ATP9A: variants seen among roughly 807,000 people sequenced by gnomAD.
The protein encoded by ATP9A is probable phospholipid-transporting ATPase IIA.
ATP9A carries 52 observed loss-of-function variants against 144.1 expected under a neutral mutation model. That is an observed-to-expected ratio of 0.36 (90% CI 0.29 to 0.45). The LOEUF is 0.45. Among genes scored for constraint, ATP9A ranks in the 20% least tolerant of loss-of-function variants. The probability of loss-of-function intolerance (pLI) is 1.00; values close to 1 mark genes in which losing one functional copy is unlikely to be tolerated. For synonymous variants in ATP9A, 582 were observed against 557.4 expected (o/e 1.04, Z -0.62); for missense variants, 947 against 1,392.7 (o/e 0.68, Z 5.09).
intron 8 of ATP9A, among the ~76,000 whole-genome samples, 192 bp from the exon 9 acceptor site, chr20:51,689,331 T>C (rs1258272189): frequency 6.6e-6 from 1 of 151,990 alleles, no homozygotes; most frequent in African/African-American, 2.4e-5. Flanking sequence ...GGGGTTTTCA[T>C]CTCCCACAGA....
chr20:51,668,717 C>T (rs1376574343), intron 13 of ATP9A, among the ~76,000 whole-genome samples: 11 of 152,146 alleles, frequency 7.2e-5, no homozygotes, highest in African/African-American at 2.2e-4. Context: ...CCAGCCATGA[C>T]GCCTCCCCAT....
At chr20:51,602,577 T>C (rs566324811) in intron 27 of ATP9A, among the ~76,000 whole-genome samples, 14 of 152,360 alleles carry the variant, frequency 9.2e-5, no homozygotes, top group Admixed American at 4.6e-4. Context: ...GATGCTCCTT[T>C]AGTTCCTGGA....
intron 9 of ATP9A, among the ~76,000 whole-genome samples, chr20:51,686,087 AC>A (rs1456056745): frequency 1.3e-5 from 2 of 152,256 alleles, no homozygotes; most frequent in East Asian, 3.9e-4. Flanking sequence ...GAAGCTGGAA[AC>A]CATCATTCTC....
At chr20:51,739,947 T>C (rs767595975) in intron 1 of ATP9A, among the ~76,000 whole-genome samples, 10 of 152,250 alleles carry the variant, frequency 6.6e-5, no homozygotes, top group Non-Finnish European at 1.5e-4. Flanking sequence ...AAGTTCCCGA[T>C]AGCCTTGAGA....
rs112392878 is a variant in ATP9A at position 51,722,856 on chromosome 20, G to A, written c.327+2963C>T. Among the ~76,000 whole-genome samples, 1,099 of 152,284 alleles carry A rather than the reference G, an allele frequency of 7.2e-3. 9 individuals are homozygous for A. Among genetic ancestry groups the A allele is most frequent in the African/African-American group, 0.025 (1,023 of 41,552 alleles). The stretch of plus-strand genomic sequence containing the variant: ...CTACTGGGTTCTACCCTGAGGAAAA[G>A]AAGTCATTATACGAAAAAGATACTT... On this transcript the variant is annotated intron_variant, in intron 3 of 27. Coordinates refer to ENST00000338821, the MANE Select transcript of ATP9A (RefSeq NM_006045.3).
chr20:51,622,323 AGCGCCCTGGCTGAAGG>A, intron 18 of ATP9A, 151 bp from the exon 19 acceptor site: 1 of 637,390 alleles, frequency 1.6e-6, no homozygotes, highest in Non-Finnish European at 2.7e-6. Flanking sequence ...CAACACAGCA[AGCGCCCTGGCTGAAGG>A]GCTCTGGGAC....
At chr20:51,615,480 C>T (rs2077199661) in intron 22 of ATP9A, among the ~76,000 whole-genome samples, 1 of 151,996 alleles carries the variant, frequency 6.6e-6, no homozygotes, top group South Asian at 2.1e-4. Context: ...ATGAAAATTA[C>T]ATATATATAC....
intron 15 of ATP9A, among the ~76,000 whole-genome samples, chr20:51,631,321 T>C (rs1394419976): frequency 6.6e-6 from 1 of 152,242 alleles, no homozygotes; most frequent in South Asian, 2.1e-4. Context: ...TTATCTCTGA[T>C]AGACTGTGGC....
intron 15 of ATP9A, among the ~76,000 whole-genome samples, chr20:51,634,044 A>T (rs2077280900): frequency 6.6e-6 from 1 of 152,146 alleles, no homozygotes; most frequent in Non-Finnish European, 1.5e-5. Context: ...TTAAAACAAA[A>T]ATAGATCTGC....
At chr20:51,744,411 C>T (rs1288807850) in intron 1 of ATP9A, among the ~76,000 whole-genome samples, 2 of 152,160 alleles carry the variant, frequency 1.3e-5, no homozygotes, top group African/African-American at 4.8e-5. Context: ...GGTGATACAC[C>T]TGCCTCAGTC....
intron 19 of ATP9A, among the ~76,000 whole-genome samples, chr20:51,619,589 C>G (rs1159807097): frequency 5.9e-5 from 8 of 135,818 alleles, no homozygotes; most frequent in South Asian, 2.3e-4. Flanking sequence ...GGGGGGGGGG[C>G]CAGGTACGGT....
Position 51,742,397 on chromosome 20 carries a change from G to A in ATP9A, c.69-12419C>T, listed in dbSNP as rs569445683. 4.6e-5 allele frequency among the ~76,000 whole-genome samples: 7 copies of A among 151,370 alleles called. No individual in the cohort carries two copies. The South Asian group carries it at 1.5e-3, about 32-fold the overall frequency. The stretch of plus-strand genomic sequence containing the variant: ...CCAGTATCACTTGCCATAAACAGAA[G>A]ATAAATAACAAAACCAGCACAATGA... On this transcript the variant is annotated intron_variant, in intron 1 of 27. Coordinates refer to ENST00000338821, the MANE Select transcript of ATP9A (RefSeq NM_006045.3).
At chr20:51,652,307 G>T (rs760432823) in intron 14 of ATP9A, among the ~76,000 whole-genome samples, 37 of 152,186 alleles carry the variant, frequency 2.4e-4, no homozygotes, top group Non-Finnish European at 4.7e-4. Context: ...ACACTTCAAG[G>T]TTCCCCAACT....
At chr20:51,632,777 TA>T (rs2077274800) in intron 15 of ATP9A, among the ~76,000 whole-genome samples, 1 of 152,092 alleles carries the variant, frequency 6.6e-6, no homozygotes, top group Non-Finnish European at 1.5e-5. Context: ...CTTATTTCAT[TA>T]AAGACAACCT....
At chr20:51,683,141 G>T (rs541725044) in intron 9 of ATP9A, among the ~76,000 whole-genome samples, 2 of 152,062 alleles carry the variant, frequency 1.3e-5, no homozygotes, top group Non-Finnish European at 2.9e-5. Flanking sequence ...CCAAACTGGA[G>T]TACACTGGTG....
chr20:51,662,800 G>T (rs1478601370), intron 13 of ATP9A, among the ~76,000 whole-genome samples: 4 of 141,434 alleles, frequency 2.8e-5, no homozygotes, highest in Non-Finnish European at 6.6e-5. Flanking sequence ...GCCGGGCACA[G>T]TGGCTCACAC....
intron 1 of ATP9A, among the ~76,000 whole-genome samples, chr20:51,742,539 C>T (rs540252121): frequency 6.6e-6 from 1 of 151,788 alleles, no homozygotes; most frequent in South Asian, 2.1e-4. Flanking sequence ...TTTTTTGAGA[C>T]GCAGTCTTGC....
rs6021420 is a variant in ATP9A, at chr20:51,757,402, T to C, written c.68+10900A>G. 6.6e-3 allele frequency among the ~76,000 whole-genome samples: 1,002 copies of C among 152,220 alleles called. 12 individuals are homozygous for C. The highest frequency in any genetic ancestry group is 0.023 in the African/African-American group (949 of 41,510). ...GGCCCACGGTAGGAGCAGGGCACTG[T>C]TGACACTACAAACTGATTCTTCCTT... On this transcript the variant is annotated intron_variant, in intron 1 of 27. Coordinates refer to ENST00000338821, the MANE Select transcript of ATP9A (RefSeq NM_006045.3).
chr20:51,733,523 G>A (rs1055501013), intron 1 of ATP9A, among the ~76,000 whole-genome samples: 3 of 152,008 alleles, frequency 2.0e-5, no homozygotes, highest in Admixed American at 6.6e-5. Flanking sequence ...ACAGGCGTGC[G>A]CCACCACACC....
Sources: gnomAD v4.1 joint callset for allele counts (sites outside exome capture counted in the v4.1 genomes callset) on GRCh38, gnomAD v4.1.1 for gene constraint, MANE v1.5 for transcripts, NCBI Gene and HGNC (gene_info 2026-07-23, HGNC 2026-07-21) for gene names.